The following ALOX5 variants were observed in gnomAD, a reference collection of about 807,000 sequenced individuals.
The protein encoded by ALOX5 is polyunsaturated fatty acid 5-lipoxygenase.
In ALOX5, 64 loss-of-function variants were observed where a neutral mutation model predicts 87.9. That is an observed-to-expected ratio of 0.73 (90% confidence interval 0.60 to 0.90). The LOEUF (loss-of-function observed/expected upper bound fraction) is 0.90, where lower values mean the gene tolerates loss of function less well. Ranked by LOEUF, ALOX5 falls within the 40% of genes least tolerant of loss-of-function variation. ALOX5 has a pLI of 0.00. For synonymous variants in ALOX5, 388 were observed against 355.1 expected (o/e 1.09, Z -1.04); for missense variants, 822 against 907.5 (o/e 0.91, Z 1.21).
At chr10:45,419,936 G>A (rs1841444706) in intron 4 of ALOX5, among the ~76,000 whole-genome samples, 1 of 152,150 alleles carries the variant, frequency 6.6e-6, no homozygotes, top group Admixed American at 6.5e-5. Context: ...GGAAAGAGAG[G>A]CCGGAAGAGG....
At chr10:45,382,865 C>T (rs11239499) in intron 2 of ALOX5, among the ~76,000 whole-genome samples, 184 bp downstream of exon 2, 3,388 of 152,364 alleles carry the variant, frequency 0.022, 120 homozygotes, top group African/African-American at 0.077. Flanking sequence ...TTACAAGCCC[C>T]TGAGGGTGGA....
chr10:45,396,394 G>T (rs1840508064), intron 3 of ALOX5, among the ~76,000 whole-genome samples: 1 of 152,034 alleles, frequency 6.6e-6, no homozygotes, highest in Admixed American at 6.6e-5. Flanking sequence ...AAGGAAAAAT[G>T]AGACTCATAA....
intron 4 of ALOX5, among the ~76,000 whole-genome samples, chr10:45,417,322 C>G (rs577253218): frequency 7.9e-5 from 12 of 152,278 alleles, no homozygotes; most frequent in African/African-American, 2.9e-4. Context: ...TCTGCACAAA[C>G]TGTGGAACCA....
At chr10:45,384,833 C>CTATTAT (rs369749993) in intron 2 of ALOX5, among the ~76,000 whole-genome samples, 2,507 of 149,228 alleles carry the variant, frequency 0.017, 64 homozygotes, top group African/African-American at 0.058. Context: ...AATTTGTGGC[C>CTATTAT]TATTATTATT....
At chr10:45,403,972 TA>T (rs1192014903) in intron 3 of ALOX5, among the ~76,000 whole-genome samples, 2 of 152,242 alleles carry the variant, frequency 1.3e-5, no homozygotes, top group Non-Finnish European at 2.9e-5. Context: ...AAAATGCCCA[TA>T]AAATTCATTT....
chr10:45,376,505 A>G (rs1839619414), intron 1 of ALOX5, among the ~76,000 whole-genome samples: 1 of 152,244 alleles, frequency 6.6e-6, no homozygotes, highest in Non-Finnish European at 1.5e-5. Context: ...GTATCTGTAA[A>G]GACAATCATC....
At chr10:45,418,906 G>A (rs1444358899) in intron 4 of ALOX5, among the ~76,000 whole-genome samples, 1 of 152,232 alleles carries the variant, frequency 6.6e-6, no homozygotes, top group Non-Finnish European at 1.5e-5. Context: ...CTTCCCAGTG[G>A]GGCGGGACAG....
At chr10:45,393,423 T>C (rs1379462586) in intron 2 of ALOX5, among the ~76,000 whole-genome samples, 4 of 152,194 alleles carry the variant, frequency 2.6e-5, no homozygotes, top group African/African-American at 9.7e-5. Flanking sequence ...CTAAAAACTC[T>C]CAATAAATTA....
At chr10:45,412,047 G>C in intron 3 of ALOX5, 144 bp from the exon 4 acceptor site, 1 of 1,224,844 alleles carries the variant, frequency 8.2e-7, no homozygotes, top group Non-Finnish European at 1.1e-6. Context: ...ACTGGACACA[G>C]GGTCAGCCTA....
Position 45,445,600 on chromosome 10 carries a change from CA to C in ALOX5, c.1939del (p.Ser647AlafsTer2). ...RFRKNLEAIV[S>X]VIAERNKKKQ... ...TCCGCAAGAACCTCGAGGCCATTGT[CA>C]GCGTGATTGCTGAGCGCAACAAGAA... On this transcript the variant is annotated frameshift_variant, in exon 14 of 14. Coordinates refer to ENST00000374391, the MANE Select transcript of ALOX5 (RefSeq NM_000698.5). LOFTEE classifies it high-confidence loss of function. 2.5e-6 allele frequency: 4 copies of C among 1,614,160 alleles called. No homozygotes were observed. The highest frequency in any genetic ancestry group is 3.4e-6 in the Non-Finnish European group (4 of 1,180,034).
Position 45,443,764 on chromosome 10 carries a change from C to G in ALOX5, c.1610C>G (p.Ser537Trp). The change falls in exon 12 of 14, where the codon TCG becomes TGG. Residue 537 changes from serine (S) to tryptophan (W), a missense_variant. Transcript: ENST00000374391. ...PKSVKSREQL[S>W]EYLTVVIFTA... ...TCGGTCAAGAGCCGGGAGCAGCTGT[C>G]GGAGTACCTGACCGTGGTGATCTTC... 1 of 1,612,424 alleles carries G rather than the reference C, an allele frequency of 6.2e-7. No individual in the cohort carries two copies.
chr10:45,411,282 T>C (rs940406451), intron 3 of ALOX5, among the ~76,000 whole-genome samples: 15 of 152,140 alleles, frequency 9.9e-5, no homozygotes, highest in African/African-American at 3.6e-4. Context: ...AGCAAGGTCT[T>C]TCTGCCCTGT....
At chr10:45,375,811 C>T (rs937211146) in intron 1 of ALOX5, among the ~76,000 whole-genome samples, 9 of 152,226 alleles carry the variant, frequency 5.9e-5, no homozygotes, top group Non-Finnish European at 8.8e-5. Context: ...CAAGAGCAAC[C>T]TTCAGTTGCT....
intron 6 of ALOX5, among the ~76,000 whole-genome samples, chr10:45,426,577 C>A (rs1841713122): frequency 1.3e-5 from 2 of 152,202 alleles, no homozygotes; most frequent in Non-Finnish European, 1.5e-5. Flanking sequence ...AATTGTATCC[C>A]TGTTGTTGGT....
chr10:45,378,620 C>G (rs1216289412), intron 1 of ALOX5, among the ~76,000 whole-genome samples: 1 of 152,168 alleles, frequency 6.6e-6, no homozygotes, highest in Non-Finnish European at 1.5e-5. Flanking sequence ...ACAAACCTTC[C>G]GAAGATATTT....
chr10:45,430,851 C>T (rs953592797), intron 7 of ALOX5, among the ~76,000 whole-genome samples: 40 of 152,172 alleles, frequency 2.6e-4, no homozygotes, highest in Non-Finnish European at 5.9e-5. Flanking sequence ...TTCCAGGGCT[C>T]TTTATCAGCC....
At chr10:45,407,142 C>T (rs1840913464) in intron 3 of ALOX5, among the ~76,000 whole-genome samples, 7 of 152,088 alleles carry the variant, frequency 4.6e-5, no homozygotes, top group Admixed American at 4.6e-4. Context: ...TCATTGATGA[C>T]AATATGAGAG....
intron 3 of ALOX5, among the ~76,000 whole-genome samples, chr10:45,397,690 A>C (rs1489045540): frequency 6.6e-6 from 1 of 152,248 alleles, no homozygotes; most frequent in East Asian, 1.9e-4. Flanking sequence ...TTGTTTTTCT[A>C]TACATTAACA....
chr10:45,432,337 G>A (rs1372861007), intron 7 of ALOX5, among the ~76,000 whole-genome samples: 4 of 150,786 alleles, frequency 2.7e-5, no homozygotes, highest in Non-Finnish European at 5.9e-5. Context: ...TCCACACTGG[G>A]CAACAGAGTA....
Sources: allele counts gnomAD v4.1 joint callset (sites outside exome capture counted in the v4.1 genomes callset), GRCh38; gene constraint gnomAD v4.1.1; transcripts MANE v1.5; gene names NCBI Gene and HGNC (gene_info 2026-07-23, HGNC 2026-07-21).